The following STARD13 variants were observed in gnomAD, a reference collection of about 807,000 sequenced individuals.
STARD13 encodes the protein StAR related lipid transfer domain containing 13.
A neutral mutation model predicts 106.4 loss-of-function variants in STARD13; 62 were observed. The ratio of observed to expected loss-of-function variants is 0.58; its 90% CI spans 0.48 to 0.72. The LOEUF (loss-of-function observed/expected upper bound fraction) is 0.72. Ranked by LOEUF, STARD13 falls within the 30% of genes least tolerant of loss-of-function variation. STARD13 has a pLI of 0.00. For missense variants in STARD13, 1,387 were observed against 1,424.0 expected, an observed-to-expected ratio of 0.97 and a Z score of 0.42; for synonymous variants, 565 against 553.0, an observed-to-expected ratio of 1.02 and a Z score of -0.31.
the STARD13 span, among the ~76,000 whole-genome samples, chr13:33,447,544 C>T: frequency 6.6e-6 from 1 of 152,236 alleles, no homozygotes; most frequent in Non-Finnish European, 1.5e-5. Flanking sequence ...TTAACCCCAA[C>T]TTACCACTTC....
At chr13:33,530,753 A>T in the STARD13 span, among the ~76,000 whole-genome samples, 1 of 152,154 alleles carries the variant, frequency 6.6e-6, no homozygotes, top group Admixed American at 6.5e-5. Context: ...CGAAATACCT[A>T]TATGTATTCA....
the STARD13 span, among the ~76,000 whole-genome samples, chr13:33,427,090 C>T: frequency 6.6e-6 from 1 of 152,148 alleles, no homozygotes; most frequent in Non-Finnish European, 1.5e-5. Flanking sequence ...TGATCATGTG[C>T]AGGCATCAAA....
the STARD13 span, among the ~76,000 whole-genome samples, chr13:33,363,401 C>G: frequency 6.6e-6 from 1 of 152,202 alleles, no homozygotes; most frequent in Non-Finnish European, 1.5e-5. Context: ...CAGAACTGCA[C>G]AGACTGATGA....
chr13:33,627,850 C>T, the STARD13 span, among the ~76,000 whole-genome samples: 1 of 152,170 alleles, frequency 6.6e-6, no homozygotes, highest in East Asian at 1.9e-4. Flanking sequence ...CCTTTTCTGA[C>T]GTACAGCAAC....
the STARD13 span, among the ~76,000 whole-genome samples, chr13:33,516,147 TTATATATAATATATAATG>T: frequency 6.8e-6 from 1 of 147,910 alleles, no homozygotes; most frequent in African/African-American, 2.5e-5. Context: ...TATATATAAT[TTATATATAATATATAATG>T]TATATATAAT....
At chr13:33,177,910 A>G (rs60126965) in intron 1 of STARD13, among the ~76,000 whole-genome samples, 6 of 3,268 alleles carry the variant, frequency 1.8e-3, no homozygotes, top group African/African-American at 4.0e-3. Context: ...AAGGAAGGAA[A>G]GGAAGGAAGG....
At chr13:33,192,725 G>A (rs75381729) in intron 1 of STARD13, among the ~76,000 whole-genome samples, 15,775 of 152,058 alleles carry the variant, frequency 0.1, 963 homozygotes, top group East Asian at 0.31. Context: ...ATGGAGAAAC[G>A]CCATCTCTAC....
At chr13:33,353,441 A>G (rs1476800951), upstream of STARD13, among the ~76,000 whole-genome samples, 1 of 152,096 alleles carries the variant, frequency 6.6e-6, no homozygotes, top group African/African-American at 2.4e-5. Context: ...CGTGGCTGTC[A>G]GGCGACACCC....
chr13:33,442,423 T>C, the STARD13 span, among the ~76,000 whole-genome samples: 1 of 152,178 alleles, frequency 6.6e-6, no homozygotes, highest in African/African-American at 2.4e-5. Context: ...AATAAATCAA[T>C]GCAACCCAAC....
the STARD13 span, among the ~76,000 whole-genome samples, chr13:33,453,843 G>T: frequency 4.6e-5 from 7 of 152,256 alleles, no homozygotes; most frequent in African/African-American, 1.7e-4. Context: ...GGTCTGAGTT[G>T]TTGCTTCTCT....
the STARD13 span, among the ~76,000 whole-genome samples, chr13:33,500,564 A>T: frequency 6.6e-6 from 1 of 151,948 alleles, no homozygotes; most frequent in Non-Finnish European, 1.5e-5. Flanking sequence ...TCAATGAAAA[A>T]TTTTTCTTGC....
intron 1 of STARD13, among the ~76,000 whole-genome samples, chr13:33,210,744 G>C (rs542313106): frequency 1.3e-5 from 2 of 152,262 alleles, no homozygotes; most frequent in East Asian, 3.9e-4. Flanking sequence ...GAGCAAATAG[G>C]GTGCGATATT....
chr13:33,288,797 C>T (rs1438668074), upstream of STARD13, among the ~76,000 whole-genome samples: 1 of 152,068 alleles, frequency 6.6e-6, no homozygotes, highest in Non-Finnish European at 1.5e-5. Flanking sequence ...TACCTGCTCA[C>T]CATGTTTTTG....
chr13:33,350,248 C>A, intron 1 of STARD13: 1 of 1,504,942 alleles, frequency 6.6e-7, no homozygotes, highest in Non-Finnish European at 8.8e-7. Context: ...GGGCCGGCGC[C>A]TCCCCCGCCC....
chr13:33,424,424 T>A, the STARD13 span, among the ~76,000 whole-genome samples: 2 of 152,142 alleles, frequency 1.3e-5, no homozygotes, highest in Non-Finnish European at 2.9e-5. Context: ...TGAAAACAAC[T>A]ATTGTGCACC....
intron 1 of STARD13, among the ~76,000 whole-genome samples, chr13:33,237,437 C>T (rs1224746051): frequency 3.3e-5 from 5 of 152,152 alleles, no homozygotes; most frequent in Admixed American, 6.5e-5. Flanking sequence ...AGAATGTAAA[C>T]GAGCCTCAAT....
intron 1 of STARD13, among the ~76,000 whole-genome samples, chr13:33,337,956 T>A (rs1467747664): frequency 2.0e-5 from 3 of 152,144 alleles, no homozygotes; most frequent in Non-Finnish European, 4.4e-5. Flanking sequence ...ACTGCAGAGG[T>A]CACATGACCC....
At chr13:33,545,693 G>A in the STARD13 span, among the ~76,000 whole-genome samples, 6 of 152,298 alleles carry the variant, frequency 3.9e-5, no homozygotes, top group African/African-American at 1.4e-4. Flanking sequence ...TCTATTAGTT[G>A]CTGTCAGAGC....
intron 7 of STARD13, 57 bp from the exon 8 acceptor site, chr13:33,118,320 G>A: frequency 6.8e-7 from 1 of 1,469,262 alleles, no homozygotes. Context: ...TGAGGAGGAG[G>A]AGGAAGCATG....
Sources: allele counts gnomAD v4.1 joint callset (sites outside exome capture counted in the v4.1 genomes callset), GRCh38; gene constraint gnomAD v4.1.1; transcripts MANE v1.5; gene names NCBI Gene and HGNC (gene_info 2026-07-23, HGNC 2026-07-21).